The following PKHD1L1 variants were observed in gnomAD, a reference collection of about 807,000 sequenced individuals.
PKHD1L1 encodes the protein PKHD1 like 1, also known as fibrocystin-L.
Under a neutral mutation model 462.9 loss-of-function variants are expected in PKHD1L1, and 434 were observed. The observed-to-expected ratio is 0.94, with a 90% confidence interval of 0.87 to 1.02. The LOEUF is 1.02. Among genes scored for constraint, PKHD1L1 ranks in the 50% least tolerant of loss-of-function variants. The probability of loss-of-function intolerance (pLI) is 0.00; values close to 1 mark genes in which losing one functional copy is unlikely to be tolerated. For synonymous variants in PKHD1L1, 1,781 were observed against 1,750.0 expected (o/e 1.02, Z -0.44); for missense variants, 5,202 against 5,096.1 (o/e 1.02, Z -0.63).
chr8:109,424,413 T>C (rs1586480809), intron 23 of PKHD1L1, among the ~76,000 whole-genome samples: 1 of 152,192 alleles, frequency 6.6e-6, no homozygotes, highest in Non-Finnish European at 1.5e-5. Flanking sequence ...CATTCTTGCT[T>C]ATGTCTTTTA....
chr8:109,523,417 A>T (rs760885920), intron 76 of PKHD1L1, 31 bp downstream of exon 76: 6 of 1,540,640 alleles, frequency 3.9e-6, no homozygotes, highest in Middle Eastern at 1.7e-4. Flanking sequence ...CCTCACATAT[A>T]TAGCCATAAA....
In PKHD1L1 at chr8:109,435,231, C is replaced by T. The variant is rs1815338760; in HGVS notation, c.3382C>T (p.His1128Tyr). The T allele has an allele frequency of 6.2e-7, 1 of 1,613,788 alleles. No individual in the cohort carries two copies. Among genetic ancestry groups the T allele is most frequent in the Non-Finnish European group, 8.5e-7 (1 of 1,179,760 alleles). Reference protein sequence around the residue: ...KCQILNGSAGHAPVAVSMADV... With the variant: ...KCQILNGSAGYAPVAVSMADV... The stretch of plus-strand genomic sequence containing the variant: ...CCAGATTCTGAATGGAAGTGCTGGA[C>T]ATGCCCCCGTTGCTGTGTCCATGGC... The change falls in exon 29 of 78, where the codon CAT becomes TAT. Residue 1128 changes from histidine to tyrosine, a missense_variant. His to Tyr is a moderately conservative substitution (Grantham distance 83, BLOSUM62 2). Around this residue, in one of 3 missense-constraint regions of PKHD1L1, gnomAD observed 4,497 missense variants for 4,336.8 expected, o/e 1.04. Coordinates refer to ENST00000378402, the MANE Select transcript of PKHD1L1 (RefSeq NM_177531.6).
intron 50 of PKHD1L1, among the ~76,000 whole-genome samples, 189 bp from the exon 51 acceptor site, chr8:109,474,929 C>T (rs191936606): frequency 2.5e-4 from 38 of 152,222 alleles, no homozygotes; most frequent in East Asian, 1.9e-4. Flanking sequence ...CAAACGAAGA[C>T]ATTTAGAACA....
rs530851769 is a variant in PKHD1L1, at chr8:109,456,624, G to T, written c.7004+233G>T. Among the ~76,000 whole-genome samples, 651 of 152,264 alleles carry T rather than the reference G, an allele frequency of 4.3e-3. 2 individuals carry two copies. Among genetic ancestry groups the T allele is most frequent in the Non-Finnish European group, 7.2e-3 (488 of 68,014 alleles). On this transcript the variant is annotated intron_variant, in intron 46 of 77. Coordinates refer to ENST00000378402, the MANE Select transcript of PKHD1L1 (RefSeq NM_177531.6). ...AGAAAAAACATAAATTCGAACCTAT[G>T]AAATAACTATGTCCTAGTAAAATGT...
chr8:109,450,437 A>G (rs1239964119), intron 40 of PKHD1L1, among the ~76,000 whole-genome samples: 2 of 152,168 alleles, frequency 1.3e-5, no homozygotes, highest in African/African-American at 4.8e-5. Context: ...GACTGAGCTT[A>G]TGTATCATTT....
intron 23 of PKHD1L1, among the ~76,000 whole-genome samples, chr8:109,421,748 C>A (rs939581194): frequency 3.9e-5 from 6 of 152,126 alleles, no homozygotes; most frequent in Non-Finnish European, 8.8e-5. Context: ...CGCGCCACTG[C>A]ACTTCAGCCT....
intron 17 of PKHD1L1, 60 bp from the exon 18 acceptor site, chr8:109,407,980 ATATATAGTT>A: frequency 9.5e-7 from 1 of 1,049,720 alleles, no homozygotes; most frequent in East Asian, 3.5e-5. Flanking sequence ...TATATATAAA[ATATATAGTT>A]TTATATATAG....
intron 70 of PKHD1L1, among the ~76,000 whole-genome samples, chr8:109,508,702 G>C (rs1819825068): frequency 6.6e-6 from 1 of 152,150 alleles, no homozygotes; most frequent in African/African-American, 2.4e-5. Context: ...GCCTGCTCAT[G>C]TTTTATGCTC....
chr8:109,363,104 A>C (rs1811060338), intron 1 of PKHD1L1, among the ~76,000 whole-genome samples: 1 of 152,116 alleles, frequency 6.6e-6, no homozygotes, highest in Non-Finnish European at 1.5e-5. Context: ...GGTGTCAGTC[A>C]TTTCCAGGGG....
In PKHD1L1 at chr8:109,479,647, C is replaced by T. The variant is rs1480719341; in HGVS notation, c.9178+8C>T. The T allele has an allele frequency of 3.4e-6, 5 of 1,451,284 alleles. No homozygotes were observed. The highest frequency in any genetic ancestry group is 1.7e-4 in the Middle Eastern group (1 of 5,792). 89.9% of individuals were successfully genotyped at this position (1,451,284 alleles called of 1,614,324 possible). A position where few individuals can be genotyped will look rare whatever the true frequency, so the allele number is the denominator to read the frequency against. ...ATGTGATTATACCTGAAGGTAAATGCGTAAACACAAATGAATGAAATGTTT... is the reference window on the plus strand; with the variant it reads ...ATGTGATTATACCTGAAGGTAAATGTGTAAACACAAATGAATGAAATGTTT... On this transcript the variant is annotated splice_region_variant and intron_variant, in intron 54 of 77. Transcript: ENST00000378402.
chr8:109,444,636 T>G, intron 37 of PKHD1L1, 25 bp from the exon 38 acceptor site: 2 of 1,586,094 alleles, frequency 1.3e-6, no homozygotes. Flanking sequence ...TGACTTGTTT[T>G]ATTTTGTATT....
chr8:109,485,999 A>G (rs1818507331), intron 58 of PKHD1L1, among the ~76,000 whole-genome samples: 1 of 152,090 alleles, frequency 6.6e-6, no homozygotes, highest in East Asian at 1.9e-4. Context: ...CATTTAAAAT[A>G]TCAAGCATTT....
intron 45 of PKHD1L1, among the ~76,000 whole-genome samples, 175 bp from the exon 46 acceptor site, chr8:109,456,087 T>TA (rs1327518042): frequency 6.6e-6 from 1 of 152,232 alleles, no homozygotes; most frequent in Non-Finnish European, 1.5e-5. Flanking sequence ...ACACAATTGT[T>TA]ACTTTTATAA....
chr8:109,429,258 C>T (rs568588766), intron 25 of PKHD1L1, 82 bp from the exon 26 acceptor site: 335 of 1,186,416 alleles, frequency 2.8e-4, no homozygotes, highest in Non-Finnish European at 3.7e-4. Context: ...TCACCTTTGC[C>T]TATGCTGAAA....
At chr8:109,487,887 AG>A (rs1427613869) in intron 59 of PKHD1L1, among the ~76,000 whole-genome samples, 2 of 142,680 alleles carry the variant, frequency 1.4e-5, no homozygotes, top group Admixed American at 1.5e-4. Context: ...AGAGAGAGAG[AG>A]AGAGGAAGGA....
chr8:109,494,561 A>G (rs775646025), intron 63 of PKHD1L1, among the ~76,000 whole-genome samples: 1 of 151,974 alleles, frequency 6.6e-6, no homozygotes, highest in Non-Finnish European at 1.5e-5. Context: ...GAAAGAAAGC[A>G]GAAGAGTTCA....
Position 109,451,150 on chromosome 8 carries a change from G to A in PKHD1L1, c.6350+1G>A, listed in dbSNP as rs1242506450. 2 of 1,598,574 alleles carry A rather than the reference G, an allele frequency of 1.3e-6. No homozygotes were observed. The highest frequency in any genetic ancestry group is 1.1e-5 in the South Asian group (1 of 89,222). ...TGACAGTCGTGGGATCAGGATTCAGGTACTGTCTCCACACAAACACGCATC... is the reference window on the plus strand; with the variant it reads ...TGACAGTCGTGGGATCAGGATTCAGATACTGTCTCCACACAAACACGCATC... On this transcript the variant is annotated splice_donor_variant, in intron 41 of 77. Transcript: ENST00000378402. LOFTEE classifies it high-confidence loss of function.
At chr8:109,439,620 C>A (rs1313925016) in intron 32 of PKHD1L1, among the ~76,000 whole-genome samples, 1 of 152,064 alleles carries the variant, frequency 6.6e-6, no homozygotes, top group Non-Finnish European at 1.5e-5. Context: ...ACAATTAAGC[C>A]AAGAAATGGG....
chr8:109,507,580 G>T (rs938970813), intron 68 of PKHD1L1, 83 bp from the exon 69 acceptor site: 103 of 1,159,488 alleles, frequency 8.9e-5, no homozygotes, highest in Non-Finnish European at 1.2e-4. Flanking sequence ...CAATTTTTTT[G>T]GATATCCTCT....
Sources: gnomAD v4.1 joint callset for allele counts (sites outside exome capture counted in the v4.1 genomes callset) on GRCh38, gnomAD v4.1.1 for gene constraint, gnomAD v4.1.1 regional missense constraint, MANE v1.5 for transcripts, NCBI Gene and HGNC (gene_info 2026-07-23, HGNC 2026-07-21) for gene names.